SCHIP1: variants seen among roughly 807,000 people sequenced by gnomAD.
SCHIP1 encodes schwannomin interacting protein 1.
SCHIP1 carries 8 observed loss-of-function variants against 29.7 expected under a neutral mutation model. That is an observed-to-expected ratio of 0.27 (90% confidence interval 0.16 to 0.49). The LOEUF is 0.49. Ranked by LOEUF, SCHIP1 falls within the 20% of genes least tolerant of loss-of-function variation. The probability of loss-of-function intolerance (pLI) is 0.99; values close to 1 mark genes in which losing one functional copy is unlikely to be tolerated. For synonymous variants in SCHIP1, 76 were observed against 94.9 expected, an observed-to-expected ratio of 0.80 and a Z score of 1.16; for missense variants, 193 against 294.6, an observed-to-expected ratio of 0.66 and a Z score of 2.52.
chr3:159,892,465 A>G, intron 6 of SCHIP1: 2 of 577,338 alleles, frequency 3.5e-6, no homozygotes, highest in Non-Finnish European at 6.1e-6. Flanking sequence ...CTGGTTTTGG[A>G]GGACTTTACC....
At chr3:159,511,301 G>A in the SCHIP1 span, among the ~76,000 whole-genome samples, 1 of 152,224 alleles carries the variant, frequency 6.6e-6, no homozygotes, top group Non-Finnish European at 1.5e-5. Context: ...TGTGCTGTTT[G>A]CTAAGACCAT....
At chr3:159,286,806 A>C in the SCHIP1 span, among the ~76,000 whole-genome samples, 180 of 152,232 alleles carry the variant, frequency 1.2e-3, 1 homozygote, top group Middle Eastern at 3.4e-3. Context: ...GTTTTGATTT[A>C]CATTGCTCTA....
chr3:159,583,007 C>T, the SCHIP1 span, among the ~76,000 whole-genome samples: 1 of 152,000 alleles, frequency 6.6e-6, no homozygotes, highest in East Asian at 1.9e-4. Flanking sequence ...TTTTGTTGAT[C>T]TGTAAATAGT....
the SCHIP1 span, among the ~76,000 whole-genome samples, chr3:159,797,307 G>C: frequency 6.6e-6 from 1 of 152,114 alleles, no homozygotes; most frequent in African/African-American, 2.4e-5. Context: ...ACAGTCACTT[G>C]TAATTTCCTC....
the SCHIP1 span, among the ~76,000 whole-genome samples, chr3:159,279,798 G>T: frequency 4.1e-4 from 63 of 152,208 alleles, no homozygotes; most frequent in African/African-American, 1.5e-3. Context: ...ATCAGGCTCA[G>T]AAAAAGGGAA....
chr3:159,801,232 TGGGGATG>T, the SCHIP1 span, among the ~76,000 whole-genome samples: 1 of 152,210 alleles, frequency 6.6e-6, no homozygotes, highest in Non-Finnish European at 1.5e-5. Context: ...AATTTTCAGT[TGGGGATG>T]GTAACAGTTA....
At chr3:159,426,260 G>A in the SCHIP1 span, among the ~76,000 whole-genome samples, 1,664 of 151,994 alleles carry the variant, frequency 0.011, 40 homozygotes, top group African/African-American at 0.038. Context: ...TTTTTTGAAA[G>A]GATCAACAAA....
At chr3:159,309,210 A>C in the SCHIP1 span, 1 of 230,314 alleles carries the variant, frequency 4.3e-6, no homozygotes, top group South Asian at 1.6e-4. Flanking sequence ...AAATGGGAAA[A>C]AATTGTATTA....
At chr3:159,350,218 CAG>C in the SCHIP1 span, among the ~76,000 whole-genome samples, 1 of 152,062 alleles carries the variant, frequency 6.6e-6, no homozygotes, top group Non-Finnish European at 1.5e-5. Flanking sequence ...AACTGAAACT[CAG>C]AGAAACAAGA....
the SCHIP1 span, among the ~76,000 whole-genome samples, chr3:159,415,001 G>T: frequency 1.3e-5 from 2 of 152,054 alleles, no homozygotes; most frequent in African/African-American, 2.4e-5. Flanking sequence ...CCCAGGGGTC[G>T]CAGACTGCCT....
At chr3:159,281,437 A>T in the SCHIP1 span, among the ~76,000 whole-genome samples, 1 of 152,236 alleles carries the variant, frequency 6.6e-6, no homozygotes, top group Non-Finnish European at 1.5e-5. Context: ...TTTAAAAAAT[A>T]ATATGCTTTA....
the SCHIP1 span, among the ~76,000 whole-genome samples, chr3:159,779,527 G>C: frequency 6.7e-6 from 1 of 150,312 alleles, no homozygotes; most frequent in Non-Finnish European, 1.5e-5. Flanking sequence ...AAAAAAGTTA[G>C]CTGGTCATGG....
At chr3:159,626,161 T>G in the SCHIP1 span, among the ~76,000 whole-genome samples, 1,583 of 110,060 alleles carry the variant, frequency 0.014, 131 homozygotes, top group African/African-American at 0.079. Context: ...TATATATATA[T>G]CTAGATATAT....
chr3:159,605,314 G>A, the SCHIP1 span, among the ~76,000 whole-genome samples: 1 of 152,296 alleles, frequency 6.6e-6, no homozygotes, highest in African/African-American at 2.4e-5. Context: ...GCACAGACAG[G>A]CATTATAATA....
chr3:159,734,751 G>A, the SCHIP1 span, among the ~76,000 whole-genome samples: 11 of 151,012 alleles, frequency 7.3e-5, no homozygotes, highest in Non-Finnish European at 1.3e-4. Flanking sequence ...ACTCGGCATA[G>A]GCTCCATAAA....
chr3:159,509,848 G>A, the SCHIP1 span, among the ~76,000 whole-genome samples: 1 of 152,174 alleles, frequency 6.6e-6, no homozygotes, highest in South Asian at 2.1e-4. Flanking sequence ...CTGTTAGTCT[G>A]ATGGGCTTCC....
the SCHIP1 span, among the ~76,000 whole-genome samples, chr3:159,403,603 AC>A: frequency 6.6e-6 from 1 of 152,200 alleles, no homozygotes; most frequent in Non-Finnish European, 1.5e-5. Context: ...TTTAGGCCAG[AC>A]CTAATCAAGG....
the SCHIP1 span, among the ~76,000 whole-genome samples, chr3:159,492,743 A>G: frequency 2.4e-4 from 36 of 152,306 alleles, no homozygotes; most frequent in African/African-American, 8.2e-4. Flanking sequence ...TTCAGGAAAT[A>G]CAGAGAATGC....
chr3:159,854,572 G>C (rs1713091116), intron 1 of SCHIP1, among the ~76,000 whole-genome samples: 1 of 152,176 alleles, frequency 6.6e-6, no homozygotes, highest in African/African-American at 2.4e-5. Flanking sequence ...CAAGGTGATA[G>C]TTCGCTGAGT....
Sources: gnomAD v4.1 joint callset for allele counts (sites outside exome capture counted in the v4.1 genomes callset) on GRCh38, gnomAD v4.1.1 for gene constraint, MANE v1.5 for transcripts, NCBI Gene and HGNC (gene_info 2026-07-23, HGNC 2026-07-21) for gene names.